The following TRPM3 variants were observed in gnomAD, a reference collection of about 807,000 sequenced individuals.
The protein encoded by TRPM3 is transient receptor potential cation channel subfamily M member 3.
A neutral mutation model predicts 181.2 loss-of-function variants in TRPM3; 77 were observed. The observed-to-expected ratio is 0.42, with a 90% CI of 0.35 to 0.51. TRPM3 has a LOEUF of 0.51. Among genes scored for constraint, TRPM3 ranks in the 20% least tolerant of loss-of-function variants. The probability of loss-of-function intolerance (pLI) is 0.01; values close to 1 mark genes in which losing one functional copy is unlikely to be tolerated. For synonymous variants in TRPM3, 745 were observed against 796.4 expected, an observed-to-expected ratio of 0.94 and a Z score of 1.09; for missense variants, 1,759 against 2,196.7, an observed-to-expected ratio of 0.80 and a Z score of 3.98.
chr9:70,919,525 T>C (rs1446983387), intron 1 of TRPM3, among the ~76,000 whole-genome samples: 1 of 152,246 alleles, frequency 6.6e-6, no homozygotes, highest in Non-Finnish European at 1.5e-5. Context: ...GGTTCACACC[T>C]GTAATCCCAG....
At chr9:71,053,636 G>C (rs1447631491) in intron 1 of TRPM3, among the ~76,000 whole-genome samples, 1 of 152,116 alleles carries the variant, frequency 6.6e-6, no homozygotes, top group Admixed American at 6.5e-5. Context: ...TTCATAAAAT[G>C]TAAAAATACT....
intron 1 of TRPM3, among the ~76,000 whole-genome samples, chr9:71,212,176 A>G (rs572323721): frequency 6.6e-6 from 1 of 152,228 alleles, no homozygotes; most frequent in African/African-American, 2.4e-5. Flanking sequence ...GAGTACAGTG[A>G]CATGATCATG....
At chr9:71,227,946 A>T (rs888978752) in intron 1 of TRPM3, among the ~76,000 whole-genome samples, 9 of 152,320 alleles carry the variant, frequency 5.9e-5, no homozygotes, top group South Asian at 2.1e-4. Context: ...CTATTCCAAA[A>T]AAATAAAAGT....
At chr9:71,340,065 A>C (rs2132597974) in intron 1 of TRPM3, among the ~76,000 whole-genome samples, 1 of 152,284 alleles carries the variant, frequency 6.6e-6, no homozygotes, top group South Asian at 2.1e-4. Context: ...AAATCTACAC[A>C]ACATTGGATT....
intron 7 of TRPM3, 119 bp downstream of exon 7, chr9:70,783,986 T>C: frequency 6.8e-7 from 1 of 1,474,966 alleles, no homozygotes; most frequent in Non-Finnish European, 9.0e-7. Context: ...TTTAGACAAT[T>C]TGTTCATAGC....
At chr9:70,756,583 A>G (rs1441199249) in intron 8 of TRPM3, among the ~76,000 whole-genome samples, 16 of 152,338 alleles carry the variant, frequency 1.1e-4, no homozygotes, top group Admixed American at 1.0e-3. Flanking sequence ...AATTGGCCAC[A>G]TAATTGGAAA....
chr9:70,551,279 G>A (rs2046387262), intron 24 of TRPM3, among the ~76,000 whole-genome samples: 1 of 152,174 alleles, frequency 6.6e-6, no homozygotes, highest in African/African-American at 2.4e-5. Context: ...TTCCCCGACT[G>A]ATTCATACAA....
chr9:71,202,109 G>T (rs1176897777), intron 1 of TRPM3, among the ~76,000 whole-genome samples: 1 of 152,166 alleles, frequency 6.6e-6, no homozygotes, highest in African/African-American at 2.4e-5. Context: ...GACCCTGTTT[G>T]CCTGGGTATC....
chr9:71,011,259 T>G, intron 1 of TRPM3, among the ~76,000 whole-genome samples: 1 of 152,018 alleles, frequency 6.6e-6, no homozygotes, highest in East Asian at 1.9e-4. Flanking sequence ...CAAATAACAA[T>G]GTATTATATA....
chr9:71,203,430 A>AAT (rs1161020743), intron 1 of TRPM3, among the ~76,000 whole-genome samples: 2 of 152,216 alleles, frequency 1.3e-5, no homozygotes, highest in Non-Finnish European at 2.9e-5. Context: ...ACTAAAACAC[A>AAT]ATATATATAC....
chr9:71,239,555 C>A (rs7035975), intron 1 of TRPM3, among the ~76,000 whole-genome samples: 63,714 of 151,850 alleles, frequency 0.42, 13,886 homozygotes, highest in East Asian at 0.52. Flanking sequence ...TATTAGCAGA[C>A]ATTTAAAACA....
At chr9:71,299,416 A>G (rs995660226) in intron 1 of TRPM3, among the ~76,000 whole-genome samples, 2 of 152,048 alleles carry the variant, frequency 1.3e-5, no homozygotes, top group East Asian at 1.9e-4. Context: ...TATTCTCCCA[A>G]TCTTACAAAT....
rs2091307179 is a variant in TRPM3 at position 71,346,582 on chromosome 9, TG to T, written c.183+100070del. 2.0e-5 allele frequency among the ~76,000 whole-genome samples: 3 copies of T among 152,282 alleles called. No homozygotes were observed. In the South Asian group the frequency reaches 6.2e-4, roughly 32 times the overall value. The stretch of plus-strand genomic sequence containing the variant: ...AACAAAAGATAAAAAGAATTTTAAC[TG>T]GAAAGAGGTGCCTTTGGGAAAGAGG... On this transcript the variant is annotated intron_variant, in intron 1 of 24. Coordinates refer to the TRPM3 transcript ENST00000357533.
chr9:70,686,281 C>T (rs116535376), intron 8 of TRPM3, among the ~76,000 whole-genome samples: 2,750 of 152,164 alleles, frequency 0.018, 95 homozygotes, highest in African/African-American at 0.06. Context: ...TGTACCATGA[C>T]TTATTTAGCC....
At position 71,057,710 on chromosome 9, in the gene TRPM3, G is replaced by A. The variant is rs79046327; in HGVS notation, c.177+63468C>T. 4.9e-3 allele frequency among the ~76,000 whole-genome samples: 750 copies of A among 152,094 alleles called. 18 individuals are homozygous for A. The East Asian group carries it at 0.077, about 16-fold the overall frequency. ...GCCAAAATCTGAACCAAGTTCTGAT[G>A]ATAAAGTACATCATTTTCCCATTGG... On this transcript the variant is annotated intron_variant, in intron 1 of 25. Transcript: ENST00000677713.
chr9:71,293,569 G>C (rs1313246150), intron 1 of TRPM3, among the ~76,000 whole-genome samples: 1 of 151,120 alleles, frequency 6.6e-6, no homozygotes, highest in South Asian at 2.1e-4. Flanking sequence ...GACTCTAAGA[G>C]AGACCTAAAT....
chr9:70,789,916 A>G (rs576619344), intron 6 of TRPM3, among the ~76,000 whole-genome samples: 1 of 152,348 alleles, frequency 6.6e-6, no homozygotes, highest in South Asian at 2.1e-4. Context: ...CTAAACTGCC[A>G]TAAGAAAAGA....
intron 1 of TRPM3, among the ~76,000 whole-genome samples, chr9:71,062,176 C>A (rs137968733): frequency 6.6e-6 from 1 of 152,068 alleles, no homozygotes. Flanking sequence ...TAAATAACCA[C>A]CTGCAACCCC....
intron 22 of TRPM3, among the ~76,000 whole-genome samples, chr9:70,553,606 G>GT (rs2046970028): frequency 6.6e-6 from 1 of 152,178 alleles, no homozygotes; most frequent in Non-Finnish European, 1.5e-5. Context: ...TACACCGGGT[G>GT]AGGGGCACTT....
Sources: allele counts gnomAD v4.1 joint callset (sites outside exome capture counted in the v4.1 genomes callset), GRCh38; gene constraint gnomAD v4.1.1; transcripts MANE v1.5; gene names NCBI Gene and HGNC (gene_info 2026-07-23, HGNC 2026-07-21).